The following IL7 variants were observed in gnomAD, a reference collection of about 807,000 sequenced individuals.
IL7 encodes the protein interleukin 7, also known as interleukin-7.
In IL7, 3 loss-of-function variants were observed where a neutral mutation model predicts 21.6. The ratio of observed to expected loss-of-function variants is 0.14; its 90% CI spans 0.06 to 0.36. The LOEUF is 0.36. Among genes scored for constraint, IL7 ranks in the 10% least tolerant of loss-of-function variants. The probability of loss-of-function intolerance (pLI) is 1.00; values close to 1 mark genes in which losing one functional copy is unlikely to be tolerated. For missense variants in IL7, 175 were observed against 200.2 expected, an observed-to-expected ratio of 0.87 and a Z score of 0.76; for synonymous variants, 62 against 68.1, an observed-to-expected ratio of 0.91 and a Z score of 0.44.
chr8:78,680,448 A>T (rs942850065), intron 4 of IL7, among the ~76,000 whole-genome samples: 3 of 152,140 alleles, frequency 2.0e-5, no homozygotes, highest in African/African-American at 7.2e-5. Flanking sequence ...CCTCCCAAAC[A>T]TACTGAATTA....
intron 2 of IL7, among the ~76,000 whole-genome samples, chr8:78,758,436 C>T (rs191024742): frequency 9.2e-4 from 140 of 152,142 alleles, no homozygotes; most frequent in African/African-American, 3.3e-3. Context: ...TGTATCTGCT[C>T]TACCCGTGAG....
At chr8:78,676,302 TTAA>T (rs1466817934) in intron 4 of IL7, among the ~76,000 whole-genome samples, 1 of 151,920 alleles carries the variant, frequency 6.6e-6, no homozygotes, top group African/African-American at 2.4e-5. Flanking sequence ...TAAATGGTAG[TTAA>T]TTATCCTTTT....
intron 2 of IL7, among the ~76,000 whole-genome samples, chr8:78,795,095 T>C (rs535205370): frequency 1.3e-5 from 2 of 152,216 alleles, no homozygotes; most frequent in African/African-American, 4.8e-5. Flanking sequence ...TCTTCTGTTG[T>C]GAAACGGAGG....
At position 78,707,103 on chromosome 8, in the gene IL7, A is replaced by G. The variant is rs976717208; in HGVS notation, n.214+14245T>C. Among the ~76,000 whole-genome samples the G allele has an allele frequency of 1.2e-4, 18 of 152,326 alleles. 1 individual carries two copies. Among genetic ancestry groups the G allele is most frequent in the Admixed American group, 1.0e-3 (16 of 15,304 alleles). ...GGATGATTAAGTGAAGTATAGACAT[A>G]GCAATATGTGCTTTAATTTTACAAA... On this transcript the variant is annotated intron_variant and non_coding_transcript_variant, in intron 3 of 4. Coordinates refer to the IL7 transcript ENST00000523959.
intron 2 of IL7, among the ~76,000 whole-genome samples, chr8:78,753,184 T>C (rs1812232107): frequency 6.6e-6 from 1 of 152,226 alleles, no homozygotes; most frequent in African/African-American, 2.4e-5. Flanking sequence ...GTTGAACTAA[T>C]TTACACTCCT....
At chr8:78,684,598 T>C (rs542846673) in intron 4 of IL7, among the ~76,000 whole-genome samples, 1 of 152,284 alleles carries the variant, frequency 6.6e-6, no homozygotes, top group African/African-American at 2.4e-5. Flanking sequence ...TTAGAAGATA[T>C]GATATACCTG....
At chr8:78,715,381 G>A, downstream of IL7, 1 of 1,483,408 alleles carries the variant, frequency 6.7e-7, no homozygotes, top group East Asian at 2.3e-5. Context: ...GTATATGATA[G>A]TTTTCCAAGG....
chr8:78,741,526 A>G (rs529833291), intron 2 of IL7, among the ~76,000 whole-genome samples: 1 of 152,340 alleles, frequency 6.6e-6, no homozygotes, highest in South Asian at 2.1e-4. Context: ...GTATGAGACA[A>G]TATGTCACAT....
intron 4 of IL7, chr8:78,678,698 G>T (rs1217108836): frequency 9.7e-6 from 15 of 1,546,764 alleles, no homozygotes; most frequent in South Asian, 3.6e-5. Context: ...ATAACCTTTT[G>T]AACAGTATGA....
intron 3 of IL7, chr8:78,689,197 CTG>C: frequency 7.7e-6 from 11 of 1,433,798 alleles, no homozygotes; most frequent in Non-Finnish European, 9.2e-6. Flanking sequence ...TGCTATTAAT[CTG>C]TTTCCGTTTT....
chr8:78,697,884 T>C (rs1197339479), intron 3 of IL7, among the ~76,000 whole-genome samples: 1 of 152,116 alleles, frequency 6.6e-6, no homozygotes, highest in Admixed American at 6.5e-5. Context: ...TTCACCAAGT[T>C]AGCCAGGATA....
At chr8:78,772,694 C>A (rs1187760447) in intron 2 of IL7, among the ~76,000 whole-genome samples, 2 of 152,024 alleles carry the variant, frequency 1.3e-5, no homozygotes, top group African/African-American at 4.8e-5. Context: ...AAAAACATCG[C>A]CAAATTTCTA....
chr8:78,702,009 C>A (rs1008934715), intron 3 of IL7, among the ~76,000 whole-genome samples: 7 of 151,902 alleles, frequency 4.6e-5, no homozygotes, highest in African/African-American at 1.7e-4. Flanking sequence ...GAGTTGAGTC[C>A]CTTCTTCTCA....
At chr8:78,776,682 T>A (rs1813148218) in intron 2 of IL7, among the ~76,000 whole-genome samples, 1 of 152,106 alleles carries the variant, frequency 6.6e-6, no homozygotes, top group South Asian at 2.1e-4. Flanking sequence ...GTTGAATGCT[T>A]AAGTTCCAGG....
At chr8:78,761,448 CACG>C (rs1353344557) in intron 2 of IL7, 10 of 1,610,316 alleles carry the variant, frequency 6.2e-6, no homozygotes, top group African/African-American at 4.0e-5. Context: ...TAAGCCTGGC[CACG>C]ACAATACTCC....
chr8:78,732,572 A>C, downstream of IL7, among the ~76,000 whole-genome samples: 1 of 152,176 alleles, frequency 6.6e-6, no homozygotes, highest in East Asian at 1.9e-4. Flanking sequence ...TTATCAGTGA[A>C]TGAAGACTGC....
chr8:78,705,684 T>C (rs1357569491), intron 3 of IL7, among the ~76,000 whole-genome samples: 1 of 152,132 alleles, frequency 6.6e-6, no homozygotes, highest in Non-Finnish European at 1.5e-5. Flanking sequence ...AACTGCTAAG[T>C]TGCCCAAACA....
intron 3 of IL7, among the ~76,000 whole-genome samples, chr8:78,690,928 C>A (rs62518980): frequency 0.057 from 8,673 of 152,060 alleles, 299 homozygotes; most frequent in Middle Eastern, 0.082. Flanking sequence ...GTATATTAAT[C>A]TTATACCCTG....
At position 78,679,889 on chromosome 8, in the gene IL7, G is replaced by A. The variant is rs192386347; in HGVS notation, n.274-3785C>T. Among the ~76,000 whole-genome samples the A allele has an allele frequency of 2.3e-4, 35 of 152,186 alleles. No homozygotes were observed. The East Asian group carries it at 6.2e-3, about 27-fold the overall frequency. On this transcript the variant is annotated intron_variant and non_coding_transcript_variant, in intron 4 of 4. Coordinates refer to the IL7 transcript ENST00000523959. Reference sequence around the variant, plus strand: ...TAAGCTGTATAAATCAATATATGACGTTTTTCTTAGTTACCTGCTGCCTAT... The same window carrying A: ...TAAGCTGTATAAATCAATATATGACATTTTTCTTAGTTACCTGCTGCCTAT...
Sources: gnomAD v4.1 joint callset for allele counts (sites outside exome capture counted in the v4.1 genomes callset) on GRCh38, gnomAD v4.1.1 for gene constraint, MANE v1.5 for transcripts, NCBI Gene and HGNC (gene_info 2026-07-23, HGNC 2026-07-21) for gene names.